The following PAK5 variants were observed in gnomAD, a reference collection of about 807,000 sequenced individuals.
PAK5 encodes the protein p21 (RAC1) activated kinase 5.
In PAK5, 16 loss-of-function variants were observed where a neutral mutation model predicts 65.9. The ratio of observed to expected loss-of-function variants is 0.24; its 90% CI spans 0.16 to 0.37. The LOEUF is 0.37. Among genes scored for constraint, PAK5 ranks in the 10% least tolerant of loss-of-function variants. The pLI is 1.00. For missense variants in PAK5, 785 were observed against 903.9 expected (o/e 0.87, Z 1.69); for synonymous variants, 371 against 354.9 (o/e 1.05, Z -0.51).
chr20:9,736,829 A>G (rs760820325), intron 1 of PAK5, among the ~76,000 whole-genome samples: 2 of 152,216 alleles, frequency 1.3e-5, no homozygotes, highest in Admixed American at 6.5e-5. Context: ...AGGCACAAGA[A>G]ACATGAAGAA....
intron 1 of PAK5, among the ~76,000 whole-genome samples, chr20:9,787,271 C>G (rs2049002464): frequency 6.6e-6 from 1 of 151,986 alleles, no homozygotes; most frequent in Admixed American, 6.6e-5. Flanking sequence ...CCTATTGTCC[C>G]TCTCCCTCTT....
intron 2 of PAK5, among the ~76,000 whole-genome samples, chr20:9,687,268 G>A (rs2047732041): frequency 6.6e-6 from 1 of 152,188 alleles, no homozygotes; most frequent in African/African-American, 2.4e-5. Context: ...TCAAGTCTGC[G>A]TATTTTTCTT....
intron 1 of PAK5, among the ~76,000 whole-genome samples, chr20:9,722,636 T>A (rs115993750): frequency 0.023 from 3,502 of 152,076 alleles, 147 homozygotes; most frequent in African/African-American, 0.08. Context: ...AATAAATTAA[T>A]TTTTAAAAAG....
At chr20:9,797,292 C>A (rs896581795) in intron 1 of PAK5, among the ~76,000 whole-genome samples, 15 of 151,812 alleles carry the variant, frequency 9.9e-5, no homozygotes, top group African/African-American at 2.7e-4. Flanking sequence ...GGATATTAGC[C>A]CCTTGTCAGA....
intron 1 of PAK5, among the ~76,000 whole-genome samples, chr20:9,735,422 G>A (rs939673987): frequency 6.6e-6 from 1 of 152,156 alleles, no homozygotes; most frequent in African/African-American, 2.4e-5. Flanking sequence ...GCTGAGGAAA[G>A]AACCACCTAA....
intron 2 of PAK5, among the ~76,000 whole-genome samples, chr20:9,705,811 A>C (rs1487397849): frequency 6.6e-6 from 1 of 152,200 alleles, no homozygotes; most frequent in Non-Finnish European, 1.5e-5. Flanking sequence ...AAGAACAGAT[A>C]GATTGTGATA....
intron 4 of PAK5, among the ~76,000 whole-genome samples, chr20:9,572,059 T>A (rs917530595): frequency 1.5e-5 from 2 of 135,776 alleles, no homozygotes; most frequent in Admixed American, 1.4e-4. Flanking sequence ...AAAGACAAAT[T>A]AAGGGTTTTT....
At chr20:9,585,516 T>C (rs571098811) in intron 3 of PAK5, among the ~76,000 whole-genome samples, 136 of 152,232 alleles carry the variant, frequency 8.9e-4, no homozygotes, top group Non-Finnish European at 1.4e-3. Context: ...GTGGTGCATA[T>C]TTCTATCGTG....
intron 2 of PAK5, among the ~76,000 whole-genome samples, chr20:9,684,750 C>T (rs2047695643): frequency 6.6e-6 from 1 of 152,156 alleles, no homozygotes; most frequent in Non-Finnish European, 1.5e-5. Context: ...ATTTTTAAGC[C>T]TCTTAATAGC....
intron 1 of PAK5, among the ~76,000 whole-genome samples, chr20:9,728,776 G>GTAAA (rs1457102940): frequency 7.3e-6 from 1 of 136,116 alleles, no homozygotes; most frequent in Non-Finnish European, 1.6e-5. Context: ...TTTTTTTTTT[G>GTAAA]TAAATAAAGT....
At chr20:9,815,807 T>C (rs1442485710) in intron 1 of PAK5, among the ~76,000 whole-genome samples, 2 of 152,194 alleles carry the variant, frequency 1.3e-5, no homozygotes, top group Non-Finnish European at 2.9e-5. Context: ...CCAATATGCT[T>C]CTATTTCACA....
intron 3 of PAK5, among the ~76,000 whole-genome samples, chr20:9,583,460 C>T (rs886294641): frequency 2.0e-5 from 3 of 152,204 alleles, no homozygotes; most frequent in African/African-American, 7.2e-5. Flanking sequence ...AATTCCTTTA[C>T]ACTTATAGTT....
At chr20:9,572,404 T>C (rs1037601801) in intron 4 of PAK5, among the ~76,000 whole-genome samples, 1 of 152,218 alleles carries the variant, frequency 6.6e-6, no homozygotes, top group African/African-American at 2.4e-5. Context: ...GATGAATTTG[T>C]CCATTCCTAC....
intron 3 of PAK5, among the ~76,000 whole-genome samples, chr20:9,633,775 G>T (rs918436976): frequency 4.6e-5 from 7 of 152,218 alleles, no homozygotes; most frequent in African/African-American, 1.7e-4. Context: ...AGGAGTTACA[G>T]TAGGGGAACA....
intron 1 of PAK5, among the ~76,000 whole-genome samples, chr20:9,757,077 T>G (rs1051578728): frequency 1.3e-5 from 2 of 152,100 alleles, no homozygotes; most frequent in Non-Finnish European, 2.9e-5. Context: ...GCAACTCATT[T>G]GAAAACATAC....
At chr20:9,596,149 C>G (rs1255099813) in intron 3 of PAK5, among the ~76,000 whole-genome samples, 1 of 152,140 alleles carries the variant, frequency 6.6e-6, no homozygotes, top group Non-Finnish European at 1.5e-5. Flanking sequence ...TCTTTAATTT[C>G]CTCCCTTATG....
intron 9 of PAK5, among the ~76,000 whole-genome samples, chr20:9,541,995 T>C (rs899095632): frequency 3.3e-5 from 5 of 152,228 alleles, no homozygotes; most frequent in African/African-American, 1.2e-4. Context: ...TGTGAGTTAA[T>C]TAAACCTTCT....
At position 9,538,208 on chromosome 20, in the gene PAK5, C is replaced by T. The variant is rs1052274510; in HGVS notation, c.*1254G>A. 3 of 233,482 alleles carry T rather than the reference C, an allele frequency of 1.3e-5. No individual in the cohort carries two copies. The highest frequency in any genetic ancestry group is 6.6e-5 in the African/African-American group (3 of 45,342). 14.5% of individuals were successfully genotyped at this position (233,482 alleles called of 1,614,324 possible). A position where few individuals can be genotyped will look rare whatever the true frequency, so the allele number is the denominator to read the frequency against. ...TTATCAACATTCAAGAAGATCTAGA[C>T]AGCAGCACGACTCTCCTATGTCGGA... On this transcript the variant is annotated 3_prime_UTR_variant, in exon 10 of 10. Transcript: ENST00000353224.
Position 9,838,493 on chromosome 20 carries a change from A to G in PAK5, c.-162+269T>C, listed in dbSNP as rs1430150838. 1.3e-5 allele frequency among the ~76,000 whole-genome samples: 2 copies of G among 152,106 alleles called. No individual in the cohort carries two copies. Among genetic ancestry groups the G allele is most frequent in the Admixed American group, 1.3e-4 (2 of 15,272 alleles). ...CACGCCCTCCCGCCCAGCAAAATGG[A>G]ACCATCCTTTATTTGGTTGGTAGAG... On this transcript the variant is annotated intron_variant, in intron 1 of 9. Transcript: ENST00000353224. This position sits in a 1 kb window ranked among gnomAD's most constrained non-coding sequence, Gnocchi z 4.5.
Sources: gnomAD v4.1 joint callset for allele counts (sites outside exome capture counted in the v4.1 genomes callset) on GRCh38, gnomAD v4.1.1 for gene constraint, Gnocchi (gnomAD v3.1) non-coding constraint, MANE v1.5 for transcripts, NCBI Gene and HGNC (gene_info 2026-07-23, HGNC 2026-07-21) for gene names.